The following TSHZ3 variants were observed in gnomAD, a reference collection of about 807,000 sequenced individuals.
TSHZ3 encodes teashirt homolog 3.
TSHZ3 carries 10 observed loss-of-function variants against 64.5 expected under a neutral mutation model. That is an observed-to-expected ratio of 0.16 (90% CI 0.10 to 0.26). The LOEUF is 0.26. TSHZ3 is among the 10% of genes least tolerant of loss of function. TSHZ3 has a pLI of 1.00. For missense variants in TSHZ3, 1,242 were observed against 1,421.7 expected, an observed-to-expected ratio of 0.87 and a Z score of 2.03; for synonymous variants, 608 against 593.1, an observed-to-expected ratio of 1.03 and a Z score of -0.36.
downstream of TSHZ3, among the ~76,000 whole-genome samples, chr19:31,273,663 G>A (rs1970187559): frequency 6.6e-6 from 1 of 152,218 alleles, no homozygotes; most frequent in Non-Finnish European, 1.5e-5. Context: ...ATGTGAAGAT[G>A]CGGAAGGCAC....
chr19:31,194,947 C>T (rs183146737), intron 5 of TSHZ3, among the ~76,000 whole-genome samples: 18 of 152,202 alleles, frequency 1.2e-4, no homozygotes, highest in African/African-American at 2.6e-4. Context: ...AAATGAATCA[C>T]GCCTTTGATG....
At chr19:31,199,400 CAAAAAAAAAAAAA>C (rs61428496) in intron 5 of TSHZ3, among the ~76,000 whole-genome samples, 1 of 98,594 alleles carries the variant, frequency 1.0e-5, no homozygotes, top group Non-Finnish European at 2.0e-5. Context: ...GAGACTCCGC[CAAAAAAAAAAAAA>C]AAAAAAAAAG....
At chr19:31,258,235 C>T (rs1975938247) in intron 1 of TSHZ3, among the ~76,000 whole-genome samples, 1 of 152,160 alleles carries the variant, frequency 6.6e-6, no homozygotes, top group Non-Finnish European at 1.5e-5. Flanking sequence ...GGTATAAGCT[C>T]CCTGGCTCTT....
At chr19:31,266,526 G>A (rs980739661) in intron 1 of TSHZ3, among the ~76,000 whole-genome samples, 2 of 151,996 alleles carry the variant, frequency 1.3e-5, no homozygotes, top group Non-Finnish European at 2.9e-5. Context: ...AATTATTCAA[G>A]ATGCACAAAG....
At chr19:31,301,510 C>G (rs1976756434) in intron 1 of TSHZ3, among the ~76,000 whole-genome samples, 1 of 152,134 alleles carries the variant, frequency 6.6e-6, no homozygotes, top group South Asian at 2.1e-4. Context: ...TGGACATAAC[C>G]AAAATAAACA....
intron 1 of TSHZ3, among the ~76,000 whole-genome samples, chr19:31,342,495 C>T (rs1917468295): frequency 6.6e-6 from 1 of 152,200 alleles, no homozygotes. Context: ...GAAAGACTTA[C>T]AAGTCTTTAC....
chr19:31,164,671 C>T (rs555233766), intron 5 of TSHZ3, among the ~76,000 whole-genome samples: 1 of 152,192 alleles, frequency 6.6e-6, no homozygotes, highest in Admixed American at 6.5e-5. Context: ...GAATGATGGG[C>T]GAGTGAGCCA....
intron 1 of TSHZ3, among the ~76,000 whole-genome samples, chr19:31,306,663 T>C (rs1403545222): frequency 2.0e-5 from 3 of 152,186 alleles, no homozygotes; most frequent in Non-Finnish European, 4.4e-5. Context: ...TACCTGCCAT[T>C]TTTTATAACA....
intron 5 of TSHZ3, among the ~76,000 whole-genome samples, chr19:31,196,310 A>AAGAAAT (rs1974993254): frequency 6.6e-6 from 1 of 151,986 alleles, no homozygotes; most frequent in African/African-American, 2.4e-5. Context: ...TAAAAAGAAA[A>AAGAAAT]AGAAATATAA....
chr19:31,276,721 C>T lies in TSHZ3; in HGVS notation c.3072G>A (p.Pro1024=), dbSNP rs756309333. 2.2e-5 allele frequency: 35 copies of T among 1,613,364 alleles called. No individual in the cohort carries two copies. The highest frequency in any genetic ancestry group is 1.1e-4 in the East Asian group (5 of 44,868). ...INSQIAQTKS[P]SEKMVTSSPE... ...GGGAGGACGTCACCATTTTTTCTGA[C>T]GGTGACTTGGTTTGTGCTATCTGAC... is the stretch of plus-strand genomic sequence containing the variant. The change falls in exon 2 of 2, where the codon CCG becomes CCA. Residue 1024 remains proline (P), a synonymous_variant. Coordinates refer to ENST00000240587, the MANE Select transcript of TSHZ3 (RefSeq NM_020856.4).
chr19:31,256,658 A>G (rs1372804287), intron 1 of TSHZ3, among the ~76,000 whole-genome samples: 1 of 152,226 alleles, frequency 6.6e-6, no homozygotes, highest in Non-Finnish European at 1.5e-5. Context: ...TGCCAGGCAC[A>G]GAGAAGTTTT....
At chr19:31,327,077 A>G (rs1201628234) in intron 1 of TSHZ3, among the ~76,000 whole-genome samples, 5 of 152,162 alleles carry the variant, frequency 3.3e-5, no homozygotes, top group Admixed American at 6.5e-5. Context: ...TTTCTGTTTC[A>G]TTAAAAAAAA....
At chr19:31,169,414 A>G (rs1415619630) in intron 5 of TSHZ3, among the ~76,000 whole-genome samples, 1 of 152,236 alleles carries the variant, frequency 6.6e-6, no homozygotes, top group Non-Finnish European at 1.5e-5. Context: ...GCAAAATGCC[A>G]TAGAGACAAA....
intron 1 of TSHZ3, among the ~76,000 whole-genome samples, chr19:31,323,632 C>T (rs957749651): frequency 3.3e-5 from 5 of 152,008 alleles, no homozygotes; most frequent in Non-Finnish European, 7.4e-5. Context: ...TTTACGAATA[C>T]CCAGATGATT....
At chr19:31,320,194 G>A (rs1352767733) in intron 1 of TSHZ3, among the ~76,000 whole-genome samples, 1 of 152,078 alleles carries the variant, frequency 6.6e-6, no homozygotes, top group African/African-American at 2.4e-5. Flanking sequence ...CATGACCACG[G>A]GGCTTCTCCA....
chr19:31,206,262 T>C (rs983759526), intron 4 of TSHZ3, among the ~76,000 whole-genome samples: 1 of 151,644 alleles, frequency 6.6e-6, no homozygotes, highest in Non-Finnish European at 1.5e-5. Context: ...GATTAATGGA[T>C]GGATGGATGG....
downstream of TSHZ3, among the ~76,000 whole-genome samples, chr19:31,270,064 C>T (rs1293252786): frequency 2.6e-5 from 4 of 152,200 alleles, no homozygotes; most frequent in Non-Finnish European, 4.4e-5. Flanking sequence ...GAGTTTGCAG[C>T]CTAGATCATA....
intron 4 of TSHZ3, among the ~76,000 whole-genome samples, chr19:31,212,558 CT>C (rs1245048286): frequency 6.6e-6 from 1 of 152,168 alleles, no homozygotes; most frequent in African/African-American, 2.4e-5. Context: ...CACTACACCC[CT>C]GTTAAAATAG....
chr19:31,291,922 C>T (rs1280190171), intron 1 of TSHZ3, among the ~76,000 whole-genome samples: 4 of 152,158 alleles, frequency 2.6e-5, no homozygotes, highest in Non-Finnish European at 5.9e-5. Flanking sequence ...TGGTAGCCAG[C>T]GACGGTCTAT....
Sources: allele counts gnomAD v4.1 joint callset (sites outside exome capture counted in the v4.1 genomes callset), GRCh38; gene constraint gnomAD v4.1.1; transcripts MANE v1.5; gene names NCBI Gene and HGNC (gene_info 2026-07-23, HGNC 2026-07-21).